The following BBS9 variants were observed in gnomAD, a reference collection of about 807,000 sequenced individuals.
The protein encoded by BBS9 is protein PTHB1.
In BBS9, 89 loss-of-function variants were observed where a neutral mutation model predicts 117.7. The ratio of observed to expected loss-of-function variants is 0.76; its 90% CI spans 0.64 to 0.90. The LOEUF (loss-of-function observed/expected upper bound fraction) is 0.90, where lower values mean the gene tolerates loss of function less well. Among genes scored for constraint, BBS9 ranks in the 40% least tolerant of loss-of-function variants. The pLI, the probability that BBS9 is intolerant of heterozygous loss-of-function variation, is 0.00. For missense variants in BBS9, 982 were observed against 1,042.2 expected (o/e 0.94, Z 0.80); for synonymous variants, 379 against 370.9 (o/e 1.02, Z -0.25).
rs115269871 is a variant in BBS9 at position 33,215,343 on chromosome 7, A to G, written c.442+37752A>G. On this transcript the variant is annotated intron_variant, in intron 5 of 22. Transcript: ENST00000242067. ...TATAGAAACCCAGATATAAATCTGT[A>G]TGTTTACTGTCAACTCATTTTTGAC... is the stretch of plus-strand genomic sequence containing the variant. Among the ~76,000 whole-genome samples the G allele has an allele frequency of 3.0e-3, 451 of 152,340 alleles. 1 individual carries two copies. The highest frequency in any genetic ancestry group is 8.7e-3 in the African/African-American group (361 of 41,584).
chr7:33,209,953 G>C (rs1787694588), intron 5 of BBS9, among the ~76,000 whole-genome samples: 1 of 151,898 alleles, frequency 6.6e-6, no homozygotes, highest in Non-Finnish European at 1.5e-5. Context: ...GTTTGCTCTT[G>C]CTTTTCTCGC....
At chr7:33,281,036 G>C (rs12538649) in intron 9 of BBS9, among the ~76,000 whole-genome samples, 46,692 of 148,956 alleles carry the variant, frequency 0.31, 7,690 homozygotes, top group Admixed American at 0.43. Flanking sequence ...AAATATTTCT[G>C]GAATTTATGT....
At chr7:33,521,172 T>G (rs912292020) in intron 20 of BBS9, among the ~76,000 whole-genome samples, 1 of 152,214 alleles carries the variant, frequency 6.6e-6, no homozygotes, top group Non-Finnish European at 1.5e-5. Context: ...GGTAATCTAC[T>G]TTGTGTTCCT....
chr7:33,354,520 C>T (rs1214269059), intron 15 of BBS9, among the ~76,000 whole-genome samples: 1 of 152,050 alleles, frequency 6.6e-6, no homozygotes, highest in African/African-American at 2.4e-5. Context: ...TTCTGGCTAC[C>T]AGACATTGCT....
chr7:33,378,567 A>C (rs184007188), intron 17 of BBS9, among the ~76,000 whole-genome samples: 1 of 152,272 alleles, frequency 6.6e-6, no homozygotes, highest in African/African-American at 2.4e-5. Flanking sequence ...AGGTAATCCA[A>C]ATTTTTATAA....
At chr7:33,600,693 G>C (rs1863659229) in intron 21 of BBS9, among the ~76,000 whole-genome samples, 1 of 152,148 alleles carries the variant, frequency 6.6e-6, no homozygotes, top group South Asian at 2.1e-4. Context: ...TGAGGACACA[G>C]TAGCTACCCA....
intron 21 of BBS9, among the ~76,000 whole-genome samples, chr7:33,565,844 T>A (rs1436482786): frequency 1.2e-4 from 10 of 80,038 alleles, no homozygotes; most frequent in African/African-American, 1.5e-4. Flanking sequence ...TATATACTGC[T>A]TATATATATA....
intron 19 of BBS9, among the ~76,000 whole-genome samples, chr7:33,484,853 T>C (rs569416911): frequency 6.6e-6 from 1 of 152,316 alleles, no homozygotes; most frequent in East Asian, 1.9e-4. Context: ...CATATATTCA[T>C]TGCAGCACTA....
intron 9 of BBS9, among the ~76,000 whole-genome samples, chr7:33,334,689 A>G (rs1311198486): frequency 1.3e-5 from 2 of 152,178 alleles, no homozygotes. Flanking sequence ...TGAGGGGTAG[A>G]TGGCAGAAGC....
At chr7:33,335,780 A>G (rs538012560) in intron 9 of BBS9, among the ~76,000 whole-genome samples, 2 of 152,200 alleles carry the variant, frequency 1.3e-5, no homozygotes, top group Non-Finnish European at 2.9e-5. Context: ...GGCTGCTTCT[A>G]GCTAAAAGTG....
intron 9 of BBS9, among the ~76,000 whole-genome samples, chr7:33,318,957 G>C (rs937810417): frequency 1.3e-5 from 2 of 152,164 alleles, no homozygotes; most frequent in Non-Finnish European, 2.9e-5. Context: ...GAGGTCAGGA[G>C]TTTGAGACCA....
intron 5 of BBS9, among the ~76,000 whole-genome samples, chr7:33,218,568 A>G (rs1789516625): frequency 6.6e-6 from 1 of 152,250 alleles, no homozygotes; most frequent in Non-Finnish European, 1.5e-5. Context: ...GCGAGTATTC[A>G]GAAGTAGTTA....
At chr7:33,370,324 G>A (rs1252475942) in intron 17 of BBS9, among the ~76,000 whole-genome samples, 1 of 151,724 alleles carries the variant, frequency 6.6e-6, no homozygotes, top group African/African-American at 2.4e-5. Flanking sequence ...AGAAAAATTA[G>A]CCAGTTGTGG....
At chr7:33,571,439 T>C (rs1280683558) in intron 21 of BBS9, among the ~76,000 whole-genome samples, 1 of 152,098 alleles carries the variant, frequency 6.6e-6, no homozygotes, top group Non-Finnish European at 1.5e-5. Flanking sequence ...TTCTGCCAGA[T>C]TAAGGAAAGT....
intron 19 of BBS9, among the ~76,000 whole-genome samples, chr7:33,485,305 A>G (rs902349445): frequency 6.7e-6 from 1 of 149,100 alleles, no homozygotes; most frequent in Non-Finnish European, 1.5e-5. Flanking sequence ...ACTTAACATA[A>G]AAGTTTTTTT....
chr7:33,218,313 C>G (rs1008873935), intron 5 of BBS9, among the ~76,000 whole-genome samples: 1 of 152,144 alleles, frequency 6.6e-6, no homozygotes, highest in African/African-American at 2.4e-5. Context: ...GAGTTTGAGT[C>G]CTTGCTTTAC....
intron 20 of BBS9, among the ~76,000 whole-genome samples, chr7:33,514,466 C>A (rs1294745795): frequency 6.6e-6 from 1 of 152,116 alleles, no homozygotes; most frequent in Non-Finnish European, 1.5e-5. Context: ...ATGGCCATTT[C>A]TGAGGTGCTC....
intron 21 of BBS9, among the ~76,000 whole-genome samples, chr7:33,534,809 C>T (rs1046814337): frequency 3.9e-5 from 6 of 152,204 alleles, no homozygotes; most frequent in East Asian, 1.9e-4. Context: ...GTCTCTTAGG[C>T]GCAGCAGTTC....
intron 20 of BBS9, among the ~76,000 whole-genome samples, chr7:33,509,208 A>G (rs143709637): frequency 6.6e-6 from 1 of 152,196 alleles, no homozygotes; most frequent in Non-Finnish European, 1.5e-5. Flanking sequence ...TGTGGTATTC[A>G]CTTCGGACTT....
Sources: allele counts gnomAD v4.1 joint callset (sites outside exome capture counted in the v4.1 genomes callset), GRCh38; gene constraint gnomAD v4.1.1; transcripts MANE v1.5; gene names NCBI Gene and HGNC (gene_info 2026-07-23, HGNC 2026-07-21).